The following TCF4 variants were observed in gnomAD, a reference collection of about 807,000 sequenced individuals.
The protein encoded by TCF4 is SL3-3 enhancer factor 2.
A neutral mutation model predicts 82.1 loss-of-function variants in TCF4; 3 were observed. The observed-to-expected ratio is 0.04, with a 90% CI of 0.02 to 0.09. TCF4 has a LOEUF of 0.09. Among genes scored for constraint, TCF4 ranks in the 10% least tolerant of loss-of-function variants. The probability of loss-of-function intolerance (pLI) is 1.00; values close to 1 mark genes in which losing one functional copy is unlikely to be tolerated. For synonymous variants in TCF4, 276 were observed against 309.6 expected (o/e 0.89, Z 1.14); for missense variants, 518 against 852.7 (o/e 0.61, Z 4.89).
intron 8 of TCF4, among the ~76,000 whole-genome samples, chr18:55,327,873 C>A (rs1291063643): frequency 6.6e-6 from 1 of 152,104 alleles, no homozygotes; most frequent in Non-Finnish European, 1.5e-5. Context: ...ACCAGATTCT[C>A]AAATTTCAGT....
intron 5 of TCF4, among the ~76,000 whole-genome samples, chr18:55,428,426 A>C (rs2095068352): frequency 6.6e-6 from 1 of 152,098 alleles, no homozygotes; most frequent in African/African-American, 2.4e-5. Context: ...CAGACTCTCC[A>C]CTCAGACATC....
At chr18:55,535,533 C>T (rs1603619862) in intron 3 of TCF4, among the ~76,000 whole-genome samples, 1 of 152,198 alleles carries the variant, frequency 6.6e-6, no homozygotes, top group East Asian at 1.9e-4. Flanking sequence ...ATAACACTAC[C>T]AAGCTTTAAA....
At chr18:55,321,880 G>C in intron 8 of TCF4, 1 of 1,420,892 alleles carries the variant, frequency 7.0e-7, no homozygotes, top group Non-Finnish European at 9.2e-7. Flanking sequence ...AGCAGGAAGA[G>C]ACCATTCCTG....
intron 6 of TCF4, among the ~76,000 whole-genome samples, chr18:55,353,540 C>G (rs2144882093): frequency 6.6e-6 from 1 of 152,278 alleles, no homozygotes; most frequent in South Asian, 2.1e-4. Flanking sequence ...CAAAAATAAA[C>G]ATTTCCTCAC....
intron 3 of TCF4, among the ~76,000 whole-genome samples, chr18:55,568,438 T>C (rs889245196): frequency 1.3e-5 from 2 of 151,690 alleles, no homozygotes; most frequent in East Asian, 3.8e-4. Context: ...TTTATGGTAA[T>C]AAATTTTAAA....
chr18:55,466,661 T>A (rs893136172), intron 3 of TCF4, among the ~76,000 whole-genome samples: 17 of 152,336 alleles, frequency 1.1e-4, no homozygotes, highest in African/African-American at 3.8e-4. Context: ...GTTTTTCTTA[T>A]GCACTTTAAG....
At chr18:55,359,941 A>C (rs1404822147) in intron 6 of TCF4, among the ~76,000 whole-genome samples, 1 of 152,132 alleles carries the variant, frequency 6.6e-6, no homozygotes, top group Non-Finnish European at 1.5e-5. Context: ...AAAATGGTTA[A>C]ATTTCTATAG....
At chr18:55,405,347 T>G (rs1012493231) in intron 5 of TCF4, among the ~76,000 whole-genome samples, 2 of 152,154 alleles carry the variant, frequency 1.3e-5, no homozygotes, top group Admixed American at 6.5e-5. Context: ...GGCAGGAAGC[T>G]GGGCAGGTAA....
At chr18:55,239,619 A>G (rs1008842862) in intron 15 of TCF4, among the ~76,000 whole-genome samples, 4 of 152,172 alleles carry the variant, frequency 2.6e-5, no homozygotes, top group Non-Finnish European at 1.5e-5. Flanking sequence ...TTGCAGGGGG[A>G]AAATCATAGT....
In TCF4 at chr18:55,512,677, T is replaced by G. The variant is rs538827893; in HGVS notation, c.146-48540A>C. Reference sequence around the variant, plus strand: ...CAAAATCGAGTGGGAGTGGTATATATAGATGAGCCAAGAAGGCAGAATGCT... The same window carrying G: ...CAAAATCGAGTGGGAGTGGTATATAGAGATGAGCCAAGAAGGCAGAATGCT... On this transcript the variant is annotated intron_variant, in intron 3 of 19. Transcript: ENST00000354452. Among the ~76,000 whole-genome samples, 5 of 152,210 alleles carry G rather than the reference T, an allele frequency of 3.3e-5. No homozygotes were observed. The East Asian group carries it at 9.6e-4, about 29-fold the overall frequency.
In TCF4 at chr18:55,290,853, G is replaced by GATA. The variant is rs142828062; in HGVS notation, c.550-11200_550-11198dup. Reference sequence around the variant, plus strand: ...GCCAAGATTCTAACAGACATAAAATGATAATAATAATACTCAAAGAAACAT... The same window carrying GATA: ...GCCAAGATTCTAACAGACATAAAATGATAATAATAATAATACTCAAAGAAACAT... On this transcript the variant is annotated intron_variant, in intron 8 of 19. Transcript: ENST00000354452. 7.2e-5 allele frequency among the ~76,000 whole-genome samples: 11 copies of GATA among 152,208 alleles called. No homozygotes were observed. In the East Asian group the frequency reaches 1.9e-3, roughly 27 times the overall value.
In TCF4 at chr18:55,254,517, C is replaced by T; in HGVS notation, c.1330G>A (p.Ala444Thr). 1 of 1,613,584 alleles carries T rather than the reference C, an allele frequency of 6.2e-7. No homozygotes were observed. The highest frequency in any genetic ancestry group is 8.5e-7 in the Non-Finnish European group (1 of 1,179,768). The change falls in exon 15 of 20, where the codon GCC (alanine) becomes ACC (threonine). Residue 444 changes from alanine to threonine, a missense_variant. By Grantham distance (58) the Ala-to-Thr change is moderately conservative (BLOSUM62 0). Coordinates refer to ENST00000354452, the MANE Select transcript of TCF4 (RefSeq NM_001083962.2). ...GSGYGTGLLS[A>T]NRHSLMVGTH... ...CTTACCATGAGTGAATGTCTGTTGG[C>T]TGAAAGAAGGCCGGTTCCATACCCT...
In TCF4 at chr18:55,228,947, G is replaced by A. The variant is rs764429178; in HGVS notation, c.1779C>T (p.Arg593=). Residue 593 remains arginine, a synonymous_variant, in exon 18 of 20, where the codon CGC becomes CGT. Transcript: ENST00000354452. ...CACTCTTGAGGTGGAGCTGCACCATGCGGCCGAGCTCTTTGAAAGCCTCGT... is the reference window on the plus strand; with the variant it reads ...CACTCTTGAGGTGGAGCTGCACCATACGGCCGAGCTCTTTGAAAGCCTCGT... The part of the protein sequence containing the change: ...DINEAFKELG[R]MVQLHLKSDK... 2 of 1,614,070 alleles carry A rather than the reference G, an allele frequency of 1.2e-6. No homozygotes were observed. The highest frequency in any genetic ancestry group is 1.3e-5 in the African/African-American group (1 of 74,918).
chr18:55,630,276 A>G (rs745883958), intron 2 of TCF4, among the ~76,000 whole-genome samples: 3 of 152,138 alleles, frequency 2.0e-5, no homozygotes, highest in Non-Finnish European at 4.4e-5. Flanking sequence ...ACTTAGGGGC[A>G]TTATTGAATT....
chr18:55,305,988 G>A (rs994476645), intron 8 of TCF4, among the ~76,000 whole-genome samples: 31 of 152,092 alleles, frequency 2.0e-4, no homozygotes, highest in Admixed American at 1.2e-3. Flanking sequence ...TTCATTTACC[G>A]TGCCCCTTCC....
chr18:55,353,719 T>A (rs780262173), intron 6 of TCF4, among the ~76,000 whole-genome samples: 1 of 152,204 alleles, frequency 6.6e-6, no homozygotes, highest in Non-Finnish European at 1.5e-5. Context: ...TTCCACTGGC[T>A]GAAAAACCTG....
chr18:55,286,264 A>ATTCT (rs10701336), intron 8 of TCF4, among the ~76,000 whole-genome samples: 66,575 of 148,442 alleles, frequency 0.45, 16,126 homozygotes, highest in African/African-American at 0.66. Context: ...TCTATTCTAT[A>ATTCT]TTCTTTGTTT....
intron 6 of TCF4, among the ~76,000 whole-genome samples, chr18:55,376,949 C>T (rs1230986877): frequency 1.3e-5 from 2 of 152,106 alleles, no homozygotes; most frequent in East Asian, 1.9e-4. Flanking sequence ...CTATCTCCAC[C>T]CTCTCATTAA....
intron 3 of TCF4, among the ~76,000 whole-genome samples, chr18:55,498,946 T>C (rs964866539): frequency 1.9e-4 from 29 of 152,200 alleles, no homozygotes; most frequent in African/African-American, 7.0e-4. Context: ...AGTTTTCATG[T>C]ACCATCCAGA....
Sources: gnomAD v4.1 joint callset for allele counts (sites outside exome capture counted in the v4.1 genomes callset) on GRCh38, gnomAD v4.1.1 for gene constraint, MANE v1.5 for transcripts, NCBI Gene and HGNC (gene_info 2026-07-23, HGNC 2026-07-21) for gene names.